Variants in TTC23 observed in about 807,000 individuals in gnomAD.
TTC23 encodes tetratricopeptide repeat domain 23.
In TTC23, 58 loss-of-function variants were observed where a neutral mutation model predicts 55.1. The ratio of observed to expected loss-of-function variants is 1.05; its 90% CI spans 0.85 to 1.31. TTC23 has a LOEUF of 1.31. Among genes scored for constraint, TTC23 ranks in the 50% most tolerant of loss-of-function variants. The probability of loss-of-function intolerance (pLI) is 0.00; values close to 1 mark genes in which losing one functional copy is unlikely to be tolerated. For missense variants in TTC23, 516 were observed against 534.4 expected, an observed-to-expected ratio of 0.97 and a Z score of 0.34; for synonymous variants, 203 against 199.9, an observed-to-expected ratio of 1.02 and a Z score of -0.13.
At chr15:99,198,868 T>C (rs934295137) in intron 9 of TTC23, among the ~76,000 whole-genome samples, 1 of 152,200 alleles carries the variant, frequency 6.6e-6, no homozygotes, top group Non-Finnish European at 1.5e-5. Flanking sequence ...ATAACAAGAA[T>C]GGATTGGTCT....
At chr15:99,145,009 C>T (rs782676652) in intron 12 of TTC23, 2 of 152,234 alleles carry the variant, frequency 1.3e-5, no homozygotes, top group Non-Finnish European at 2.9e-5. Context: ...AATACAAGTA[C>T]GCTTTCATTT....
At chr15:99,183,028 C>A (rs2074299502) in intron 9 of TTC23, among the ~76,000 whole-genome samples, 1 of 152,102 alleles carries the variant, frequency 6.6e-6, no homozygotes, top group Admixed American at 6.5e-5. Flanking sequence ...GGGTAATGGG[C>A]AGAGGTTGGA....
intron 2 of TTC23, among the ~76,000 whole-genome samples, 165 bp downstream of exon 2, chr15:99,245,222 CAT>C (rs1170491825): frequency 2.0e-5 from 3 of 152,074 alleles, no homozygotes; most frequent in Non-Finnish European, 4.4e-5. Context: ...TAAGAAATGA[CAT>C]ATAGAGGCCG....
intron 9 of TTC23, among the ~76,000 whole-genome samples, chr15:99,187,446 C>G (rs1451882816): frequency 9.2e-5 from 2 of 21,712 alleles, no homozygotes; most frequent in African/African-American, 2.1e-4. Context: ...ATGCCAAAAG[C>G]ACAAGCAAAA....
At chr15:99,157,486 AC>A (rs2070771864) in intron 11 of TTC23, 1 of 152,200 alleles carries the variant, frequency 6.6e-6, no homozygotes, top group Non-Finnish European at 1.5e-5. Context: ...TGCTGGGATT[AC>A]AGGCGCGAGC....
chr15:99,163,913 G>A (rs1381084188), intron 10 of TTC23, among the ~76,000 whole-genome samples: 2 of 152,218 alleles, frequency 1.3e-5, no homozygotes, highest in Non-Finnish European at 2.9e-5. Flanking sequence ...AAGCCACTTA[G>A]TCTATGGTGT....
At chr15:99,193,882 G>A (rs1203536793) in intron 9 of TTC23, among the ~76,000 whole-genome samples, 1 of 152,064 alleles carries the variant, frequency 6.6e-6, no homozygotes, top group Admixed American at 6.6e-5. Flanking sequence ...GGTTGTGGGT[G>A]CCTGTAATCC....
At chr15:99,242,069 C>T (rs2079852186) in intron 2 of TTC23, among the ~76,000 whole-genome samples, 1 of 150,388 alleles carries the variant, frequency 6.6e-6, no homozygotes, top group African/African-American at 2.5e-5. Context: ...GAGGCGGAGG[C>T]TACAGTGAGC....
intron 9 of TTC23, among the ~76,000 whole-genome samples, chr15:99,195,042 C>G (rs956420063): frequency 2.6e-5 from 4 of 152,128 alleles, no homozygotes; most frequent in Non-Finnish European, 4.4e-5. Flanking sequence ...TTAGATATAT[C>G]ACCAAAGGCA....
At chr15:99,204,810 T>G (rs901703549) in intron 8 of TTC23, among the ~76,000 whole-genome samples, 2 of 151,796 alleles carry the variant, frequency 1.3e-5, no homozygotes, top group Admixed American at 6.6e-5. Flanking sequence ...GCTAATTTTG[T>G]TTGTTTGTAA....
intron 4 of TTC23, among the ~76,000 whole-genome samples, chr15:99,229,157 A>ATATC (rs1425701171): frequency 1.3e-5 from 2 of 152,010 alleles, no homozygotes; most frequent in Non-Finnish European, 2.9e-5. Context: ...ATATATATAT[A>ATATC]TCTAAAGTCC....
At chr15:99,209,291 T>C (rs1567490857) in intron 8 of TTC23, among the ~76,000 whole-genome samples, 2 of 152,248 alleles carry the variant, frequency 1.3e-5, no homozygotes, top group African/African-American at 4.8e-5. Context: ...TGAATATCAC[T>C]GATCAGAATC....
At position 99,137,716 on chromosome 15, in the gene TTC23, G is replaced by T; in HGVS notation, c.*294C>A. 1 of 392,280 alleles carries T rather than the reference G, an allele frequency of 2.5e-6. No individual in the cohort carries two copies. Among genetic ancestry groups the T allele is most frequent in the Non-Finnish European group, 4.7e-6 (1 of 211,416 alleles). 24.3% of individuals were successfully genotyped at this position (392,280 alleles called of 1,614,324 possible). On this transcript the variant is annotated 3_prime_UTR_variant, in exon 14 of 14. Coordinates refer to ENST00000394132, the MANE Select transcript of TTC23 (RefSeq NM_001288615.3). ...CCTGCACAGGGCGCACTGAACTGTT[G>T]AAGAGAAGTTTTTCAGCCACAGTAG...
intron 4 of TTC23, among the ~76,000 whole-genome samples, chr15:99,234,617 C>T (rs1283212877): frequency 6.6e-6 from 1 of 152,092 alleles, no homozygotes; most frequent in African/African-American, 2.4e-5. Context: ...CGTGATCTGC[C>T]TGCCTCAGCC....
At chr15:99,214,229 C>T (rs868510045) in intron 8 of TTC23, among the ~76,000 whole-genome samples, 1 of 151,886 alleles carries the variant, frequency 6.6e-6, no homozygotes, top group Non-Finnish European at 1.5e-5. Context: ...TCCTCCCGGC[C>T]GGGTGCGGTG....
upstream of TTC23, among the ~76,000 whole-genome samples, chr15:99,250,812 G>T (rs555094908): frequency 6.6e-6 from 1 of 152,292 alleles, no homozygotes; most frequent in Admixed American, 6.5e-5. Context: ...CAGAGACTAG[G>T]TTACGTCCTC....
intron 8 of TTC23, among the ~76,000 whole-genome samples, chr15:99,204,632 G>GTTTTCTTTT (rs2076456901): frequency 1.6e-5 from 1 of 60,892 alleles, no homozygotes; most frequent in Non-Finnish European, 2.8e-5. Context: ...TAGATTTAAG[G>GTTTTCTTTT]TTTTTTTTTT....
chr15:99,226,075 C>A (rs1401554155), intron 5 of TTC23, among the ~76,000 whole-genome samples: 1 of 152,082 alleles, frequency 6.6e-6, no homozygotes, highest in Admixed American at 6.5e-5. Context: ...TCCAAGATAT[C>A]AAGATCATGA....
chr15:99,178,980 G>A (rs2073868428), intron 9 of TTC23, among the ~76,000 whole-genome samples: 1 of 152,152 alleles, frequency 6.6e-6, no homozygotes, highest in Non-Finnish European at 1.5e-5. Context: ...CTGGAGGAAT[G>A]GATGCTCTGT....
Sources: gnomAD v4.1 joint callset for allele counts (sites outside exome capture counted in the v4.1 genomes callset) on GRCh38, gnomAD v4.1.1 for gene constraint, MANE v1.5 for transcripts, NCBI Gene and HGNC (gene_info 2026-07-23, HGNC 2026-07-21) for gene names.